Variants in FAM167A observed in about 807,000 individuals in gnomAD.
FAM167A encodes the protein protein FAM167A.
In FAM167A, 23 loss-of-function variants were observed where a neutral mutation model predicts 14.9. The ratio of observed to expected loss-of-function variants is 1.55; its 90% CI spans 1.11 to 2.19. The LOEUF (loss-of-function observed/expected upper bound fraction) is 2.19. Among genes scored for constraint, FAM167A ranks in the 30% most tolerant of loss-of-function variants. The pLI is 0.00. For synonymous variants in FAM167A, 174 were observed against 117.7 expected (o/e 1.48, Z -3.10); for missense variants, 401 against 281.5 (o/e 1.42, Z -3.04).
At chr8:11,466,202 G>C (rs1012907269) in intron 1 of FAM167A, among the ~76,000 whole-genome samples, 4 of 152,164 alleles carry the variant, frequency 2.6e-5, no homozygotes, top group Non-Finnish European at 1.5e-5. Context: ...GACCGCATCC[G>C]TGGGGACAGA....
chr8:11,448,689 C>T (rs924627396), intron 1 of FAM167A, among the ~76,000 whole-genome samples: 6 of 152,252 alleles, frequency 3.9e-5, no homozygotes, highest in African/African-American at 1.4e-4. Flanking sequence ...GCTCCACTTA[C>T]TAAAACCATT....
intron 2 of FAM167A, among the ~76,000 whole-genome samples, chr8:11,430,615 A>G (rs777769303): frequency 1.8e-4 from 28 of 152,314 alleles, no homozygotes; most frequent in Admixed American, 8.5e-4. Context: ...AAAGAGAGCA[A>G]GAGAGAGAGC....
intron 2 of FAM167A, among the ~76,000 whole-genome samples, chr8:11,440,900 A>T (rs1002710348): frequency 6.6e-6 from 1 of 152,240 alleles, no homozygotes; most frequent in African/African-American, 2.4e-5. Flanking sequence ...AAGAGGATGA[A>T]TGAGGGAAAC....
intron 1 of FAM167A, among the ~76,000 whole-genome samples, chr8:11,446,873 G>C (rs1216381831): frequency 6.6e-6 from 1 of 152,188 alleles, no homozygotes; most frequent in Non-Finnish European, 1.5e-5. Flanking sequence ...AGCATGTCTG[G>C]GGCAGCTGCA....
intron 1 of FAM167A, among the ~76,000 whole-genome samples, chr8:11,450,543 G>T (rs1806982013): frequency 6.6e-6 from 1 of 152,088 alleles, no homozygotes; most frequent in Non-Finnish European, 1.5e-5. Flanking sequence ...CTAACCACTG[G>T]GCTTACTGCC....
intron 2 of FAM167A, among the ~76,000 whole-genome samples, chr8:11,426,006 A>T (rs1805114386): frequency 6.6e-6 from 1 of 152,178 alleles, no homozygotes; most frequent in East Asian, 1.9e-4. Context: ...TTAAGGTCTG[A>T]AAAGAGATAT....
intron 2 of FAM167A, among the ~76,000 whole-genome samples, chr8:11,433,211 AAAT>A (rs1236530644): frequency 2.0e-5 from 3 of 151,602 alleles, no homozygotes; most frequent in African/African-American, 7.3e-5. Flanking sequence ...TGATAAAAAA[AAAT>A]AAAAAATAAA....
chr8:11,440,800 C>T (rs1200028643), intron 2 of FAM167A, among the ~76,000 whole-genome samples: 1 of 152,236 alleles, frequency 6.6e-6, no homozygotes, highest in African/African-American at 2.4e-5. Context: ...AGAAAACCAC[C>T]TTCTGGGCTT....
chr8:11,449,598 T>C (rs1157583172), intron 1 of FAM167A, among the ~76,000 whole-genome samples: 1 of 152,150 alleles, frequency 6.6e-6, no homozygotes, highest in Non-Finnish European at 1.5e-5. Context: ...CTAGGGTGTC[T>C]AGAAAAACGA....
chr8:11,445,452 T>G, intron 1 of FAM167A: 2 of 985,858 alleles, frequency 2.0e-6, no homozygotes, highest in Non-Finnish European at 2.4e-6. Flanking sequence ...CAAATAAACC[T>G]GCAGCTGTGG....
intron 1 of FAM167A, among the ~76,000 whole-genome samples, chr8:11,447,440 G>C (rs1176992486): frequency 6.6e-6 from 1 of 152,220 alleles, no homozygotes; most frequent in Non-Finnish European, 1.5e-5. Context: ...CATAGACCAT[G>C]TCAGGACCAT....
chr8:11,460,531 G>C (rs901706882), intron 1 of FAM167A, among the ~76,000 whole-genome samples: 4 of 152,264 alleles, frequency 2.6e-5, no homozygotes, highest in African/African-American at 9.6e-5. Context: ...TCTCCCAGCA[G>C]AGCCCGGTTT....
At chr8:11,472,585 C>T (rs1189862655), upstream of FAM167A, among the ~76,000 whole-genome samples, 2 of 151,900 alleles carry the variant, frequency 1.3e-5, no homozygotes, top group Admixed American at 1.3e-4. Flanking sequence ...AGAAATGTCA[C>T]CACTAACAAC....
intron 2 of FAM167A, among the ~76,000 whole-genome samples, chr8:11,426,528 G>A (rs1285957166): frequency 2.6e-5 from 4 of 152,338 alleles, no homozygotes; most frequent in South Asian, 2.1e-4. Flanking sequence ...AACCAAAAGT[G>A]TCTGAGACAG....
rs376807405 is a variant in FAM167A, at chr8:11,424,325, C to G, written c.*48G>C. 1.5e-4 allele frequency: 245 copies of G among 1,604,006 alleles called. 1 individual carries two copies. Among genetic ancestry groups the G allele is most frequent in the South Asian group, 1.9e-4 (17 of 90,600 alleles). ...GGCCTCAGCTTCCTCTGACACCCCT[C>G]CAGCCCAAGCCCTCCGCTCCAGCCC... On this transcript the variant is annotated 3_prime_UTR_variant, in exon 3 of 3. Transcript: ENST00000284486.
chr8:11,446,504 A>G (rs2409769), intron 1 of FAM167A: 68,077 of 151,578 alleles, frequency 0.45, 15,538 homozygotes, highest in East Asian at 0.66. Context: ...AGCTCCCCCG[A>G]TGATCCGAGT....
At chr8:11,471,237 G>C (rs1014411179), upstream of FAM167A, among the ~76,000 whole-genome samples, 8 of 152,206 alleles carry the variant, frequency 5.3e-5, no homozygotes, top group African/African-American at 1.7e-4. Flanking sequence ...CGGAGGCTTT[G>C]TGCAGAGCAG....
At chr8:11,459,586 G>A (rs1246475561) in intron 1 of FAM167A, among the ~76,000 whole-genome samples, 2 of 152,246 alleles carry the variant, frequency 1.3e-5, no homozygotes, top group Non-Finnish European at 2.9e-5. Flanking sequence ...CGGGGCTGGG[G>A]TCTTAGTCCT....
At position 11,422,798 on chromosome 8, in the gene FAM167A, C is replaced by T. The variant is rs1185354611; in HGVS notation, c.*1575G>A. On this transcript the variant is annotated 3_prime_UTR_variant, in exon 3 of 3. Transcript: ENST00000284486. ...AAGAAGTCACAGTAGACAGAGCAGC[C>T]AGATGCCGTGCGTAGACCATGGGAC... The T allele has an allele frequency of 6.6e-6, 1 of 152,456 alleles. No individual in the cohort carries two copies. The highest frequency in any genetic ancestry group is 1.9e-4 in the East Asian group (1 of 5,196). The allele number at this position is 152,456 out of a possible 1,614,324, so 9.4% of individuals were successfully genotyped here.
Sources: gnomAD v4.1 joint callset for allele counts (sites outside exome capture counted in the v4.1 genomes callset) on GRCh38, gnomAD v4.1.1 for gene constraint, MANE v1.5 for transcripts, NCBI Gene and HGNC (gene_info 2026-07-23, HGNC 2026-07-21) for gene names.